The following PPP1R12A variants were observed in gnomAD, a reference collection of about 807,000 sequenced individuals.
PPP1R12A encodes protein phosphatase 1 regulatory subunit 12A.
In PPP1R12A, 19 loss-of-function variants were observed where a neutral mutation model predicts 139.6. The observed-to-expected ratio is 0.14, with a 90% CI of 0.09 to 0.20. The LOEUF is 0.20. PPP1R12A is among the 10% of genes least tolerant of loss of function. The probability of loss-of-function intolerance (pLI) is 1.00; values close to 1 mark genes in which losing one functional copy is unlikely to be tolerated. For missense variants in PPP1R12A, 925 were observed against 1,211.5 expected (o/e 0.76, Z 3.51); for synonymous variants, 427 against 420.6 (o/e 1.02, Z -0.19).
chr12:79,815,680 AAT>A (rs1875280619), intron 9 of PPP1R12A, among the ~76,000 whole-genome samples: 1 of 152,144 alleles, frequency 6.6e-6, no homozygotes, highest in African/African-American at 2.4e-5. Context: ...AATAAACTTT[AAT>A]TAAAGCAGTT....
Position 79,805,537 on chromosome 12 carries a change from CA to C in PPP1R12A, c.2000+54del, listed in dbSNP as rs1176362196. The C allele has an allele frequency of 2.0e-6, 3 of 1,521,918 alleles. No homozygotes were observed. In the African/African-American group the frequency reaches 4.1e-5, roughly 21 times the overall value. The allele number at this position is 1,521,918 out of a possible 1,614,324, so 94.3% of individuals were successfully genotyped here. On this transcript the variant is annotated intron_variant, in intron 14 of 24. Coordinates refer to ENST00000450142, the MANE Select transcript of PPP1R12A (RefSeq NM_002480.3). ...ACAAGATCTTTTTTAAAACAAAAAA[CA>C]ACTTTCATCACTGGGCAAGATATAT...
At chr12:79,849,330 T>C (rs1298727981) in intron 2 of PPP1R12A, among the ~76,000 whole-genome samples, 1 of 151,916 alleles carries the variant, frequency 6.6e-6, no homozygotes, top group African/African-American at 2.4e-5. Flanking sequence ...GAGGTTGTAG[T>C]GAGCCGAGAT....
intron 15 of PPP1R12A, 42 bp downstream of exon 15, chr12:79,798,452 G>T: frequency 7.8e-7 from 1 of 1,277,392 alleles, no homozygotes; most frequent in Non-Finnish European, 1.1e-6. Flanking sequence ...TATTTTATAT[G>T]CTACTTATGT....
chr12:79,849,492 T>C (rs557369535), intron 2 of PPP1R12A, among the ~76,000 whole-genome samples: 23 of 152,322 alleles, frequency 1.5e-4, no homozygotes, highest in Admixed American at 3.9e-4. Context: ...CCTGGAGATA[T>C]TGAAAACAGA....
At chr12:79,857,968 G>A (rs549410788) in intron 2 of PPP1R12A, among the ~76,000 whole-genome samples, 2 of 152,186 alleles carry the variant, frequency 1.3e-5, no homozygotes, top group Non-Finnish European at 2.9e-5. Context: ...ACAGCTTTCA[G>A]CAAATGTATC....
At chr12:79,907,947 A>C (rs1377398424) in intron 1 of PPP1R12A, among the ~76,000 whole-genome samples, 1 of 152,186 alleles carries the variant, frequency 6.6e-6, no homozygotes, top group Non-Finnish European at 1.5e-5. Context: ...GAAGACTGCT[A>C]TACTGTATTC....
At chr12:79,855,224 G>A (rs892714514) in intron 2 of PPP1R12A, among the ~76,000 whole-genome samples, 3 of 151,832 alleles carry the variant, frequency 2.0e-5, no homozygotes, top group Non-Finnish European at 2.9e-5. Flanking sequence ...TCCTGACCTC[G>A]TGATCCGCCC....
At chr12:79,928,524 G>C (rs575150877) in intron 1 of PPP1R12A, among the ~76,000 whole-genome samples, 1 of 152,304 alleles carries the variant, frequency 6.6e-6, no homozygotes, top group Admixed American at 6.5e-5. Context: ...TGAGCATAAA[G>C]TGTTACAGCT....
intron 8 of PPP1R12A, among the ~76,000 whole-genome samples, chr12:79,818,528 C>T (rs575238696): frequency 6.6e-6 from 1 of 152,242 alleles, no homozygotes; most frequent in South Asian, 2.1e-4. Context: ...CTAGCATGAT[C>T]CACAGCACCC....
intron 1 of PPP1R12A, among the ~76,000 whole-genome samples, chr12:79,915,735 C>T (rs1368101617): frequency 6.6e-6 from 1 of 152,078 alleles, no homozygotes; most frequent in East Asian, 1.9e-4. Context: ...AAACGTTACA[C>T]AGGATAGGGT....
intron 1 of PPP1R12A, among the ~76,000 whole-genome samples, chr12:79,895,344 C>G (rs1429074181): frequency 1.3e-5 from 2 of 152,034 alleles, no homozygotes; most frequent in African/African-American, 4.8e-5. Context: ...AGGAGAAACT[C>G]TAAGAAAATG....
intron 2 of PPP1R12A, among the ~76,000 whole-genome samples, chr12:79,871,342 G>C (rs1592746105): frequency 6.6e-6 from 1 of 152,250 alleles, no homozygotes; most frequent in East Asian, 1.9e-4. Context: ...AATTAATATT[G>C]TCTTTTCAAA....
intron 1 of PPP1R12A, among the ~76,000 whole-genome samples, chr12:79,918,854 G>A (rs891940247): frequency 1.3e-5 from 2 of 152,068 alleles, no homozygotes; most frequent in Non-Finnish European, 2.9e-5. Context: ...AGTGGCTCAC[G>A]CCTGTAATCC....
intron 1 of PPP1R12A, among the ~76,000 whole-genome samples, chr12:79,883,134 C>G (rs1210413329): frequency 6.6e-6 from 1 of 151,880 alleles, no homozygotes; most frequent in Non-Finnish European, 1.5e-5. Context: ...AAGACTCCGT[C>G]AAAACAAAAA....
In PPP1R12A at chr12:79,845,232, AAT is replaced by A. The variant is rs1388330007; in HGVS notation, c.487+68_487+69del. 4.1e-6 allele frequency: 5 copies of A among 1,222,604 alleles called. No homozygotes were observed. The African/African-American group carries it at 6.1e-5, about 15-fold the overall frequency. The allele number at this position is 1,222,604 out of a possible 1,614,324, so 75.7% of individuals were successfully genotyped here. ...TTATGATTGCCCTTCAATGTCAACA[AAT>A]ATTTTTGCTGGAAAAGTATCACATT... On this transcript the variant is annotated intron_variant, in intron 3 of 24. Transcript: ENST00000450142.
chr12:79,928,916 T>C (rs1888046940), intron 1 of PPP1R12A, among the ~76,000 whole-genome samples: 1 of 152,222 alleles, frequency 6.6e-6, no homozygotes, highest in Non-Finnish European at 1.5e-5. Context: ...TATCTGTAAG[T>C]CTGTCTGTTT....
chr12:79,899,233 A>AATATATATATAT (rs58319454), intron 1 of PPP1R12A, among the ~76,000 whole-genome samples: 5 of 141,928 alleles, frequency 3.5e-5, no homozygotes, highest in Admixed American at 7.1e-5. Flanking sequence ...AGATCTTAAA[A>AATATATATATAT]ATATATATAT....
intron 10 of PPP1R12A, among the ~76,000 whole-genome samples, chr12:79,809,237 A>T (rs1374512848): frequency 6.6e-6 from 1 of 152,126 alleles, no homozygotes; most frequent in Non-Finnish European, 1.5e-5. Flanking sequence ...GTATGGGCAA[A>T]AAAAATAGTT....
At position 79,832,315 on chromosome 12, in the gene PPP1R12A, TA is replaced by T; in HGVS notation, c.647+16del. ...GACAAACTAAAATAGAAAAACTCTG[TA>T]AAAAACAATACTTACTTTAAAACTT... is the stretch of plus-strand genomic sequence containing the variant. On this transcript the variant is annotated intron_variant, in intron 4 of 24. Coordinates refer to ENST00000450142, the MANE Select transcript of PPP1R12A (RefSeq NM_002480.3). The T allele has an allele frequency of 1.3e-6, 2 of 1,582,730 alleles. No homozygotes were observed. Among genetic ancestry groups the T allele is most frequent in the East Asian group, 2.3e-5 (1 of 44,128 alleles).
Sources: allele counts gnomAD v4.1 joint callset (sites outside exome capture counted in the v4.1 genomes callset), GRCh38; gene constraint gnomAD v4.1.1; transcripts MANE v1.5; gene names NCBI Gene and HGNC (gene_info 2026-07-23, HGNC 2026-07-21).